TTI1: variants seen among roughly 807,000 people sequenced by gnomAD.
TTI1 encodes the protein TELO2 interacting protein 1.
In TTI1, 52 loss-of-function variants were observed where a neutral mutation model predicts 85.4. The ratio of observed to expected loss-of-function variants is 0.61; its 90% confidence interval spans 0.49 to 0.77. The LOEUF (loss-of-function observed/expected upper bound fraction) is 0.77, where lower values mean the gene tolerates loss of function less well. TTI1 is among the 30% of genes least tolerant of loss of function. The pLI, the probability that TTI1 is intolerant of heterozygous loss-of-function variation, is 0.00. For synonymous variants in TTI1, 512 were observed against 503.9 expected (o/e 1.02, Z -0.22); for missense variants, 1,173 against 1,296.0 (o/e 0.91, Z 1.46).
intron 2 of TTI1, among the ~76,000 whole-genome samples, chr20:38,009,783 G>A (rs2073556011): frequency 6.6e-6 from 1 of 152,178 alleles, no homozygotes. Flanking sequence ...GATTACAGGT[G>A]TGAGCCACGG....
At chr20:38,000,640 C>T (rs987439562) in intron 4 of TTI1, 1 of 152,672 alleles carries the variant, frequency 6.5e-6, no homozygotes, top group African/African-American at 2.4e-5. Flanking sequence ...ACAGAAGAGA[C>T]CCTGCCATTG....
chr20:37,997,002 A>T, intron 5 of TTI1, 49 bp from the exon 6 acceptor site: 1 of 1,582,186 alleles, frequency 6.3e-7, no homozygotes, highest in Non-Finnish European at 8.6e-7. Flanking sequence ...CAAGGCAGCA[A>T]GAGAGCTAAA....
intron 2 of TTI1, among the ~76,000 whole-genome samples, chr20:38,006,893 A>G (rs1345126724): frequency 6.6e-6 from 1 of 152,202 alleles, no homozygotes; most frequent in Non-Finnish European, 1.5e-5. Flanking sequence ...ACCACTGGAA[A>G]TCTAATATGC....
At chr20:38,020,332 A>ATATATC in intron 1 of TTI1, among the ~76,000 whole-genome samples, 1 of 97,096 alleles carries the variant, frequency 1.0e-5, no homozygotes, top group Non-Finnish European at 2.2e-5. Context: ...AAATATATAT[A>ATATATC]TATATATATA....
Position 37,996,837 on chromosome 20 carries a change from A to G in TTI1, c.2910T>C (p.Ala970=), listed in dbSNP as rs201084380. ...LVTQAPISAR[A]GPVYSHTLAF... ...CCAGCGTGTGCGAGTAAACTGGTCC[A>G]GCCCTGGCACTGATGGGGGCCTGGG... is the stretch of plus-strand genomic sequence containing the variant. The change falls in exon 6 of 8, where the codon GCT becomes GCC. Residue 970 remains alanine, a synonymous_variant. Transcript: ENST00000373447. 3.1e-6 allele frequency: 5 copies of G among 1,614,174 alleles called. No individual in the cohort carries two copies. In the African/African-American group the frequency reaches 6.7e-5, roughly 22 times the overall value.
intron 5 of TTI1, among the ~76,000 whole-genome samples, chr20:37,997,855 TATTA>T (rs938431569): frequency 1.3e-5 from 2 of 152,164 alleles, no homozygotes; most frequent in Non-Finnish European, 1.5e-5. Context: ...TCAGACAACC[TATTA>T]ATTCTCACCA....
intron 4 of TTI1, 150 bp from the exon 5 acceptor site, chr20:37,999,478 C>T: frequency 1.2e-6 from 1 of 837,154 alleles, no homozygotes; most frequent in Non-Finnish European, 1.6e-6. Flanking sequence ...TAGCTAGGTA[C>T]TGAGGGGACA....
chr20:37,990,771 G>A (rs1230627214), intron 7 of TTI1, among the ~76,000 whole-genome samples: 1 of 152,140 alleles, frequency 6.6e-6, no homozygotes, highest in Non-Finnish European at 1.5e-5. Flanking sequence ...GCTGCGACCA[G>A]GCTCGATCTG....
At chr20:38,029,517 G>C (rs985514481) in intron 1 of TTI1, among the ~76,000 whole-genome samples, 3 of 151,692 alleles carry the variant, frequency 2.0e-5, no homozygotes, top group Admixed American at 6.6e-5. Flanking sequence ...CTTTGAAAAG[G>C]TCAATAAAAT....
chr20:37,992,573 G>A (rs752298314), intron 7 of TTI1, among the ~76,000 whole-genome samples: 5 of 152,156 alleles, frequency 3.3e-5, no homozygotes, highest in East Asian at 1.9e-4. Context: ...CACAGCACAC[G>A]GCCTGACTTC....
chr20:37,994,141 G>A (rs561042783), intron 7 of TTI1, among the ~76,000 whole-genome samples: 139 of 152,260 alleles, frequency 9.1e-4, no homozygotes, highest in African/African-American at 3.3e-3. Context: ...TGGTTCCTCA[G>A]TACTAGTAGG....
rs2073630953 is a variant in TTI1, at chr20:38,013,268, C to G, written c.549G>C (p.Leu183Phe). 6.2e-7 allele frequency: 1 copy of G among 1,614,048 alleles called. No individual in the cohort carries two copies. The highest frequency in any genetic ancestry group is 8.5e-7 in the Non-Finnish European group (1 of 1,180,036). Residue 183 changes from leucine to phenylalanine, a missense_variant, in exon 2 of 8, where the codon TTG becomes TTC. Leu to Phe is a conservative substitution (Grantham distance 22). Coordinates refer to ENST00000373447, the MANE Select transcript of TTI1 (RefSeq NM_001303457.2). ...TTGGATGGTCCTGACAATCACACTG[C>G]AAGAGTAGAACCTGTAAACATTTTA... is the stretch of plus-strand genomic sequence containing the variant. ...AALKCLQVLLLQCDCQDHPRS... is the reference protein window; with the variant it reads ...AALKCLQVLLFQCDCQDHPRS...
At position 38,019,834 on chromosome 20, in the gene TTI1, T is replaced by A. The variant is rs1052281917; in HGVS notation, c.-41-5977A>T. 1.6e-4 allele frequency among the ~76,000 whole-genome samples: 25 copies of A among 152,196 alleles called. 1 individual carries two copies. Among genetic ancestry groups the A allele is most frequent in the Admixed American group, 3.9e-4 (6 of 15,282 alleles). On this transcript the variant is annotated intron_variant, in intron 1 of 7. Coordinates refer to ENST00000373447, the MANE Select transcript of TTI1 (RefSeq NM_001303457.2). ...CATTTAGCAGCATCCTTGGCCTCTG[T>A]ATCTTGGCCATCCATCTATCTGCTG...
chr20:37,990,148 C>T (rs570268647), intron 7 of TTI1, among the ~76,000 whole-genome samples: 4 of 152,200 alleles, frequency 2.6e-5, no homozygotes, highest in East Asian at 3.8e-4. Flanking sequence ...TCTATATTAA[C>T]CTCAACTCGG....
intron 7 of TTI1, among the ~76,000 whole-genome samples, chr20:37,989,734 T>C (rs920412395): frequency 6.6e-6 from 1 of 152,274 alleles, no homozygotes; most frequent in Non-Finnish European, 1.5e-5. Context: ...TATGTACCCT[T>C]GAAGATAAAG....
At position 38,006,189 on chromosome 20, in the gene TTI1, C is replaced by T. The variant is rs2073495030; in HGVS notation, c.2503+8G>A. 1 of 1,613,774 alleles carries T rather than the reference C, an allele frequency of 6.2e-7. No individual in the cohort carries two copies. The highest frequency in any genetic ancestry group is 1.3e-5 in the African/African-American group (1 of 74,922). The stretch of plus-strand genomic sequence containing the variant: ...AAAAAACCAGCTAAGCCAAAATAAA[C>T]AAGTTACCTTCTTCATTATCAAAAT... On this transcript the variant is annotated splice_region_variant and intron_variant, in intron 3 of 7. Coordinates refer to ENST00000373447, the MANE Select transcript of TTI1 (RefSeq NM_001303457.2).
chr20:38,024,204 G>A (rs1041235121), intron 1 of TTI1, among the ~76,000 whole-genome samples: 5 of 151,836 alleles, frequency 3.3e-5, no homozygotes, highest in Non-Finnish European at 7.4e-5. Flanking sequence ...CTGGAAACTG[G>A]GTAAGTTCTT....
chr20:37,993,291 T>A (rs1403290489), intron 7 of TTI1, among the ~76,000 whole-genome samples: 2 of 145,922 alleles, frequency 1.4e-5, no homozygotes, highest in African/African-American at 2.5e-5. Flanking sequence ...TGGAATGGCA[T>A]CTCCGTTCTT....
chr20:37,995,960 C>T (rs987225825), intron 7 of TTI1, among the ~76,000 whole-genome samples: 3 of 152,158 alleles, frequency 2.0e-5, no homozygotes, highest in Admixed American at 1.3e-4. Flanking sequence ...TTCATGGCAC[C>T]GATGCCCATC....
Sources: allele counts gnomAD v4.1 joint callset (sites outside exome capture counted in the v4.1 genomes callset), GRCh38; gene constraint gnomAD v4.1.1; transcripts MANE v1.5; gene names NCBI Gene and HGNC (gene_info 2026-07-23, HGNC 2026-07-21).